The following WWOX variants were observed in gnomAD, a reference collection of about 807,000 sequenced individuals.
WWOX encodes the protein WW domain-containing oxidoreductase.
WWOX carries 69 observed loss-of-function variants against 46.2 expected under a neutral mutation model. The ratio of observed to expected loss-of-function variants is 1.49; its 90% CI spans 1.23 to 1.82. The LOEUF is 1.82. Ranked by LOEUF, WWOX falls within the 40% of genes most tolerant of loss-of-function variation. The probability of loss-of-function intolerance (pLI) is 0.00; values close to 1 mark genes in which losing one functional copy is unlikely to be tolerated. For missense variants in WWOX, 919 were observed against 542.6 expected, an observed-to-expected ratio of 1.69 and a Z score of -6.89; for synonymous variants, 359 against 202.6, an observed-to-expected ratio of 1.77 and a Z score of -6.56.
intron 8 of WWOX, among the ~76,000 whole-genome samples, chr16:78,485,581 T>C (rs886280276): frequency 6.6e-6 from 1 of 152,186 alleles, no homozygotes. Flanking sequence ...CTTTGGGTAA[T>C]GGGGAGGGGA....
At chr16:78,502,563 C>T (rs2085096803) in intron 8 of WWOX, among the ~76,000 whole-genome samples, 1 of 152,118 alleles carries the variant, frequency 6.6e-6, no homozygotes. Context: ...ATGGATATAC[C>T]ACATTTTGTG....
intron 8 of WWOX, among the ~76,000 whole-genome samples, chr16:79,209,281 T>G (rs144579035): frequency 6.6e-6 from 1 of 152,220 alleles, no homozygotes; most frequent in Admixed American, 6.5e-5. Context: ...GCATTCTGAA[T>G]CAATGGGACT....
At chr16:78,801,316 C>T (rs769733594) in intron 8 of WWOX, among the ~76,000 whole-genome samples, 13 of 152,092 alleles carry the variant, frequency 8.5e-5, no homozygotes, top group Non-Finnish European at 1.3e-4. Context: ...TTGAGACCAC[C>T]CTGGCCAACA....
chr16:78,877,376 C>T (rs1472751806), intron 8 of WWOX, among the ~76,000 whole-genome samples: 1 of 151,916 alleles, frequency 6.6e-6, no homozygotes, highest in Non-Finnish European at 1.5e-5. Context: ...CAGGTGTGTT[C>T]CTGTCTCAGA....
chr16:78,385,344 T>A (rs558090089), intron 5 of WWOX, among the ~76,000 whole-genome samples: 30 of 152,290 alleles, frequency 2.0e-4, no homozygotes, highest in African/African-American at 6.7e-4. Context: ...GACAAGAGTT[T>A]TACACAAGAA....
intron 8 of WWOX, among the ~76,000 whole-genome samples, chr16:78,571,673 A>C (rs912573719): frequency 3.9e-5 from 6 of 152,188 alleles, no homozygotes; most frequent in African/African-American, 1.4e-4. Context: ...GCTCCAGACC[A>C]GCCTGGCCAA....
intron 4 of WWOX, 66 bp downstream of exon 4, chr16:78,115,220 T>A: frequency 6.3e-7 from 1 of 1,594,230 alleles, no homozygotes. Flanking sequence ...GATCTAGCTA[T>A]AATGGAATTT....
intron 8 of WWOX, among the ~76,000 whole-genome samples, chr16:78,882,437 A>G (rs1049673901): frequency 2.8e-4 from 43 of 151,040 alleles, no homozygotes; most frequent in African/African-American, 9.2e-4. Flanking sequence ...CCTAAGCTCC[A>G]CTACAGCTGG....
chr16:78,537,941 A>G (rs767126467), intron 8 of WWOX, among the ~76,000 whole-genome samples: 1 of 152,110 alleles, frequency 6.6e-6, no homozygotes, highest in Admixed American at 6.6e-5. Context: ...GCCCCGGCCT[A>G]TCTCTCAGGA....
chr16:78,341,516 T>A (rs1416314820), intron 5 of WWOX, among the ~76,000 whole-genome samples: 1 of 120,306 alleles, frequency 8.3e-6, no homozygotes, highest in Non-Finnish European at 2.0e-5. Context: ...GGGAGAACAA[T>A]TTGGGAAAAT....
intron 8 of WWOX, among the ~76,000 whole-genome samples, chr16:78,549,020 C>T (rs1343091584): frequency 6.6e-6 from 1 of 152,148 alleles, no homozygotes; most frequent in Non-Finnish European, 1.5e-5. Flanking sequence ...AAACATCATA[C>T]TTTTATCGGT....
chr16:78,804,045 C>T (rs1340832759), intron 8 of WWOX, among the ~76,000 whole-genome samples: 1 of 152,096 alleles, frequency 6.6e-6, no homozygotes, highest in East Asian at 1.9e-4. Flanking sequence ...GGAAACACTT[C>T]TTTCCTTCAT....
chr16:78,540,134 TCTGC>T (rs149913908), intron 8 of WWOX, among the ~76,000 whole-genome samples: 1 of 151,952 alleles, frequency 6.6e-6, no homozygotes, highest in African/African-American at 2.4e-5. Flanking sequence ...GTGTTCAATT[TCTGC>T]CTGAGAGAGT....
intron 8 of WWOX, among the ~76,000 whole-genome samples, chr16:79,093,217 G>A (rs983478589): frequency 1.3e-5 from 2 of 152,156 alleles, no homozygotes; most frequent in African/African-American, 2.4e-5. Flanking sequence ...CAAATGTCAC[G>A]GTGTGGTTGG....
intron 8 of WWOX, among the ~76,000 whole-genome samples, chr16:78,549,286 G>C (rs887328181): frequency 3.3e-5 from 5 of 152,148 alleles, no homozygotes; most frequent in Non-Finnish European, 5.9e-5. Context: ...GATATATAAA[G>C]CTTATTTCAA....
chr16:78,940,789 C>G (rs528060647), intron 8 of WWOX, among the ~76,000 whole-genome samples: 12 of 151,076 alleles, frequency 7.9e-5, no homozygotes, highest in African/African-American at 2.4e-4. Flanking sequence ...TCTTATTGTC[C>G]TCTTATCCTG....
intron 8 of WWOX, among the ~76,000 whole-genome samples, chr16:78,958,153 G>A (rs1002208283): frequency 6.6e-6 from 1 of 152,126 alleles, no homozygotes; most frequent in African/African-American, 2.4e-5. Flanking sequence ...CATTCACACG[G>A]CGAAGGAAAT....
chr16:78,754,138 G>C (rs1315051385), intron 8 of WWOX, among the ~76,000 whole-genome samples: 1 of 151,982 alleles, frequency 6.6e-6, no homozygotes, highest in East Asian at 1.9e-4. Flanking sequence ...TTTCTCTTTT[G>C]CTCTGTGGCA....
intron 8 of WWOX, among the ~76,000 whole-genome samples, chr16:78,708,456 C>T (rs1169497786): frequency 6.6e-6 from 1 of 152,128 alleles, no homozygotes; most frequent in Non-Finnish European, 1.5e-5. Flanking sequence ...GGTATCTTTC[C>T]TCCTGTGATT....
Sources: gnomAD v4.1 joint callset for allele counts (sites outside exome capture counted in the v4.1 genomes callset) on GRCh38, gnomAD v4.1.1 for gene constraint, MANE v1.5 for transcripts, NCBI Gene and HGNC (gene_info 2026-07-23, HGNC 2026-07-21) for gene names.